EXT1: variants seen among roughly 807,000 people sequenced by gnomAD.
The protein encoded by EXT1 is exostosin glycosyltransferase 1, also known as exostosin-1.
A neutral mutation model predicts 82.5 loss-of-function variants in EXT1; 20 were observed. That is an observed-to-expected ratio of 0.24 (90% CI 0.17 to 0.35). The LOEUF (loss-of-function observed/expected upper bound fraction) is 0.35. EXT1 is among the 10% of genes least tolerant of loss of function. The probability of loss-of-function intolerance (pLI) is 1.00; values close to 1 mark genes in which losing one functional copy is unlikely to be tolerated. For missense variants in EXT1, 757 were observed against 936.5 expected, an observed-to-expected ratio of 0.81 and a Z score of 2.50; for synonymous variants, 348 against 350.8, an observed-to-expected ratio of 0.99 and a Z score of 0.09.
intron 1 of EXT1, among the ~76,000 whole-genome samples, chr8:117,952,605 C>G (rs1281808037): frequency 6.6e-6 from 1 of 152,070 alleles, no homozygotes; most frequent in Non-Finnish European, 1.5e-5. Flanking sequence ...CTACTAAAAA[C>G]ACAAAAATTA....
chr8:117,895,096 G>A (rs1040664192), intron 1 of EXT1, among the ~76,000 whole-genome samples: 20 of 152,128 alleles, frequency 1.3e-4, no homozygotes, highest in Non-Finnish European at 4.4e-5. Flanking sequence ...CGATCATGAT[G>A]TCATCTTAGA....
At chr8:118,090,688 A>G (rs1817506625) in intron 1 of EXT1, among the ~76,000 whole-genome samples, 1 of 142,286 alleles carries the variant, frequency 7.0e-6, no homozygotes, top group Non-Finnish European at 1.5e-5. Flanking sequence ...CTGATGCAGG[A>G]GAATTGCTTG....
intron 1 of EXT1, among the ~76,000 whole-genome samples, chr8:118,029,740 TG>T (rs1257561011): frequency 6.6e-6 from 1 of 152,214 alleles, no homozygotes; most frequent in African/African-American, 2.4e-5. Context: ...GTCAAAGTCT[TG>T]CCACCCATCC....
intron 1 of EXT1, among the ~76,000 whole-genome samples, chr8:117,903,025 C>G (rs1385222755): frequency 6.6e-6 from 1 of 152,180 alleles, no homozygotes; most frequent in Non-Finnish European, 1.5e-5. Flanking sequence ...CTACCAAGCT[C>G]CACAACCTAC....
chr8:117,876,590 G>T (rs1261235454), intron 1 of EXT1, among the ~76,000 whole-genome samples: 1 of 152,164 alleles, frequency 6.6e-6, no homozygotes, highest in Non-Finnish European at 1.5e-5. Context: ...CCTGCTAGAG[G>T]TAAGGACGTA....
At chr8:117,967,697 G>A (rs905221185) in intron 1 of EXT1, among the ~76,000 whole-genome samples, 2 of 152,094 alleles carry the variant, frequency 1.3e-5, no homozygotes, top group Admixed American at 6.6e-5. Flanking sequence ...CTATTATTAC[G>A]GTTGTTGCTA....
Position 118,110,552 on chromosome 8 carries a change from C to T in EXT1, c.495G>A (p.Gln165=). The T allele has an allele frequency of 6.2e-7, 1 of 1,614,210 alleles. No homozygotes were observed. The highest frequency in any genetic ancestry group is 8.5e-7 in the Non-Finnish European group (1 of 1,180,044). Residue 165 remains glutamine, a synonymous_variant, in exon 1 of 11, where the codon CAG becomes CAA. Coordinates refer to ENST00000378204, the MANE Select transcript of EXT1 (RefSeq NM_000127.3). ...VLSLDTLDRD[Q]LSPQYVHNLR... is the part of the protein sequence containing the mutation. ...AATTGTGCACATACTGAGGTGACAA[C>T]TGGTCTCTGTCTAAAGTATCCAGAC... is the stretch of plus-strand genomic sequence containing the variant.
intron 1 of EXT1, among the ~76,000 whole-genome samples, chr8:117,860,846 G>T (rs1298809758): frequency 1.3e-5 from 2 of 152,110 alleles, no homozygotes; most frequent in African/African-American, 4.8e-5. Flanking sequence ...GGCCCCTGTA[G>T]GCATCTGAGT....
At chr8:118,073,480 G>A (rs1219990382) in intron 1 of EXT1, among the ~76,000 whole-genome samples, 1 of 152,190 alleles carries the variant, frequency 6.6e-6, no homozygotes, top group African/African-American at 2.4e-5. Flanking sequence ...AATTAGCTGG[G>A]CATGATGGCA....
chr8:117,876,772 T>C (rs1051004204), intron 1 of EXT1, among the ~76,000 whole-genome samples: 1 of 152,176 alleles, frequency 6.6e-6, no homozygotes, highest in Middle Eastern at 3.2e-3. Context: ...TCACTAGTGA[T>C]TGGAGATTCA....
chr8:118,004,620 A>G lies in EXT1; in HGVS notation c.962+105465T>C, dbSNP rs568729512. Among the ~76,000 whole-genome samples the G allele has an allele frequency of 1.6e-4, 24 of 152,256 alleles. No homozygotes were observed. In the South Asian group the frequency reaches 5.0e-3, roughly 32 times the overall value. On this transcript the variant is annotated intron_variant, in intron 1 of 10. Transcript: ENST00000378204. The stretch of plus-strand genomic sequence containing the variant: ...TTCTATCACCTTTTCCACCACTTGA[A>G]TGATTATTTTCAGTCCTTGTATCTG...
intron 1 of EXT1, among the ~76,000 whole-genome samples, chr8:117,973,225 C>T (rs912597151): frequency 6.6e-6 from 1 of 152,106 alleles, no homozygotes; most frequent in Non-Finnish European, 1.5e-5. Context: ...GATGGTAGCA[C>T]GTGATACAAG....
chr8:118,068,035 T>C (rs1200572246), intron 1 of EXT1, among the ~76,000 whole-genome samples: 2 of 152,204 alleles, frequency 1.3e-5, no homozygotes, highest in African/African-American at 4.8e-5. Context: ...GCCCCCACTA[T>C]ATATCTAGAG....
intron 1 of EXT1, among the ~76,000 whole-genome samples, chr8:117,887,988 G>A (rs1231603897): frequency 1.3e-5 from 2 of 151,818 alleles, no homozygotes; most frequent in Admixed American, 6.6e-5. Context: ...GGGAGGCTGA[G>A]GCAGGATAAT....
chr8:118,006,077 A>C (rs1252022137), intron 1 of EXT1, among the ~76,000 whole-genome samples: 1 of 152,220 alleles, frequency 6.6e-6, no homozygotes, highest in African/African-American at 2.4e-5. Context: ...TCTCAGGTAT[A>C]CTCAGCTAGG....
intron 1 of EXT1, among the ~76,000 whole-genome samples, chr8:117,951,255 A>T (rs1029022845): frequency 1.4e-4 from 21 of 152,260 alleles, no homozygotes; most frequent in African/African-American, 5.1e-4. Context: ...TGATTTGTAT[A>T]TTTCCCTACC....
intron 1 of EXT1, among the ~76,000 whole-genome samples, chr8:117,964,613 G>C (rs375633318): frequency 1.7e-5 from 2 of 114,468 alleles, no homozygotes; most frequent in Admixed American, 8.1e-5. Flanking sequence ...TTTTATGTCT[G>C]TGTGTGTGTG....
intron 1 of EXT1, among the ~76,000 whole-genome samples, chr8:117,988,102 A>G (rs1815358339): frequency 6.6e-6 from 1 of 152,170 alleles, no homozygotes; most frequent in Non-Finnish European, 1.5e-5. Flanking sequence ...AAATAAATAC[A>G]TACATACATA....
At chr8:117,846,163 A>G (rs1247402466) in intron 1 of EXT1, among the ~76,000 whole-genome samples, 1 of 152,080 alleles carries the variant, frequency 6.6e-6, no homozygotes, top group African/African-American at 2.4e-5. Flanking sequence ...GCTGGAGTGC[A>G]GTGGCATGAT....
Sources: allele counts gnomAD v4.1 joint callset (sites outside exome capture counted in the v4.1 genomes callset), GRCh38; gene constraint gnomAD v4.1.1; transcripts MANE v1.5; gene names NCBI Gene and HGNC (gene_info 2026-07-23, HGNC 2026-07-21).